Variants in ABI3BP observed in about 807,000 individuals in gnomAD.
ABI3BP encodes target of Nesh-SH3.
A neutral mutation model predicts 268.6 loss-of-function variants in ABI3BP; 216 were observed. That is an observed-to-expected ratio of 0.80 (90% confidence interval 0.72 to 0.90). The LOEUF (loss-of-function observed/expected upper bound fraction) is 0.90, where lower values mean the gene tolerates loss of function less well. Ranked by LOEUF, ABI3BP falls within the 40% of genes least tolerant of loss-of-function variation. The probability of loss-of-function intolerance (pLI) is 0.00; values close to 1 mark genes in which losing one functional copy is unlikely to be tolerated. For synonymous variants in ABI3BP, 730 were observed against 730.0 expected (o/e 1.00, Z 0.00); for missense variants, 2,090 against 2,182.4 (o/e 0.96, Z 0.84).
chr3:100,897,047 A>AAAAT, intron 4 of ABI3BP, among the ~76,000 whole-genome samples: 1 of 150,764 alleles, frequency 6.6e-6, no homozygotes, highest in African/African-American at 2.4e-5. Flanking sequence ...TGGACAAATA[A>AAAAT]AAATAAATAA....
intron 49 of ABI3BP, among the ~76,000 whole-genome samples, chr3:100,809,964 T>C (rs1382099014): frequency 1.3e-5 from 2 of 152,070 alleles, no homozygotes; most frequent in Non-Finnish European, 2.9e-5. Flanking sequence ...AACTACAAGG[T>C]GACTGGCCAG....
At chr3:100,900,892 T>C (rs956267255) in intron 3 of ABI3BP, among the ~76,000 whole-genome samples, 4 of 152,150 alleles carry the variant, frequency 2.6e-5, no homozygotes, top group Admixed American at 2.6e-4. Flanking sequence ...CAAAATAAAA[T>C]GAAGTTATAA....
At chr3:100,804,653 T>G (rs1032706589) in intron 51 of ABI3BP, 139 bp downstream of exon 51, 1 of 752,824 alleles carries the variant, frequency 1.3e-6, no homozygotes. Flanking sequence ...ACTTCTGAAA[T>G]TATCATACCA....
chr3:100,967,380 T>C (rs2081756323), intron 1 of ABI3BP, among the ~76,000 whole-genome samples: 1 of 151,828 alleles, frequency 6.6e-6, no homozygotes. Context: ...GGTGGGCCCC[T>C]GTTATCCCAG....
chr3:100,775,419 T>C, intron 59 of ABI3BP, 84 bp from the exon 60 acceptor site: 3 of 1,517,026 alleles, frequency 2.0e-6, no homozygotes, highest in Non-Finnish European at 2.7e-6. Flanking sequence ...ATAAATGTTT[T>C]TAAGCACTGA....
At chr3:100,823,829 A>T (rs2098299441) in intron 36 of ABI3BP, among the ~76,000 whole-genome samples, 1 of 152,204 alleles carries the variant, frequency 6.6e-6, no homozygotes, top group Non-Finnish European at 1.5e-5. Context: ...CATTTATCTC[A>T]CATATACTTA....
chr3:100,862,846 C>A lies in ABI3BP; in HGVS notation c.1202G>T (p.Gly401Val), dbSNP rs910534929. The change falls in exon 13 of 68, where the codon GGC (glycine) becomes GTC (valine). Residue 401 changes from glycine to valine, a missense_variant. Coordinates refer to ENST00000471714, the MANE Select transcript of ABI3BP (RefSeq NM_001375547.2). Reference protein sequence around the residue: ...KTPFPFEKPRGTLASSEKPWI... With the variant: ...KTPFPFEKPRVTLASSEKPWI... The stretch of plus-strand genomic sequence containing the variant: ...TAAGGTACTCTTATTACCCAATGTG[C>A]CCCTAGGTTTCTCAAAAGGGAAGGG... 2.0e-6 allele frequency: 3 copies of A among 1,534,638 alleles called. No homozygotes were observed. Among genetic ancestry groups the A allele is most frequent in the African/African-American group, 2.7e-5 (2 of 72,954 alleles).
chr3:100,934,101 T>C (rs2064892856), intron 1 of ABI3BP, among the ~76,000 whole-genome samples: 1 of 151,934 alleles, frequency 6.6e-6, no homozygotes, highest in Admixed American at 6.6e-5. Context: ...TCATCTACAT[T>C]AGGTATTTCT....
chr3:100,986,565 C>T (rs1406493596), intron 1 of ABI3BP, among the ~76,000 whole-genome samples: 1 of 152,054 alleles, frequency 6.6e-6, no homozygotes, highest in African/African-American at 2.4e-5. Flanking sequence ...CTCCTGGGCT[C>T]AAGTAATTCT....
chr3:100,926,538 C>A (rs1236624231), intron 1 of ABI3BP, 57 bp from the exon 2 acceptor site: 17 of 1,503,646 alleles, frequency 1.1e-5, no homozygotes, highest in Non-Finnish European at 1.6e-5. Context: ...AGCATCCTAC[C>A]CAACTTCCCA....
chr3:100,892,783 G>C (rs2045370305), intron 4 of ABI3BP, among the ~76,000 whole-genome samples: 1 of 152,198 alleles, frequency 6.6e-6, no homozygotes, highest in South Asian at 2.1e-4. Context: ...TGTGCATAGA[G>C]GGGATTGTTA....
intron 65 of ABI3BP, 39 bp from the exon 66 acceptor site, chr3:100,752,987 T>C (rs777311518): frequency 6.5e-7 from 1 of 1,544,074 alleles, no homozygotes; most frequent in Non-Finnish European, 8.8e-7. Flanking sequence ...TATCTGACTC[T>C]TGGGTCAGAT....
intron 29 of ABI3BP, among the ~76,000 whole-genome samples, chr3:100,833,747 G>A (rs950720894): frequency 2.6e-5 from 4 of 152,138 alleles, no homozygotes; most frequent in Admixed American, 1.3e-4. Context: ...TTAGGAGAGC[G>A]TGCTGGAGCC....
chr3:100,764,487 G>A (rs947444383), intron 63 of ABI3BP, among the ~76,000 whole-genome samples: 2 of 152,166 alleles, frequency 1.3e-5, no homozygotes, highest in African/African-American at 4.8e-5. Flanking sequence ...TGAAATAACT[G>A]TATTCAACAT....
At chr3:100,762,995 A>G (rs1277576172) in intron 63 of ABI3BP, among the ~76,000 whole-genome samples, 1 of 152,230 alleles carries the variant, frequency 6.6e-6, no homozygotes, top group East Asian at 1.9e-4. Flanking sequence ...AATGATTTTG[A>G]TATCCTGATG....
At chr3:100,939,573 A>G (rs1020952990) in intron 1 of ABI3BP, among the ~76,000 whole-genome samples, 3 of 152,016 alleles carry the variant, frequency 2.0e-5, no homozygotes, top group African/African-American at 7.2e-5. Flanking sequence ...TCAAAAGGGG[A>G]GGGAGTGTGC....
chr3:100,792,889 C>T, intron 54 of ABI3BP, 121 bp from the exon 55 acceptor site: 1 of 770,844 alleles, frequency 1.3e-6, no homozygotes, highest in African/African-American at 1.8e-5. Context: ...TTTAGAAATA[C>T]ACTCAGTAAT....
Position 100,750,339 on chromosome 3 carries a change from C to T in ABI3BP, c.*156G>A, listed in dbSNP as rs562974089. ...CTTTGTAAAACCTGATAAATACTCT[C>T]AGCAATCTTTTCTAATAATAAACAT... On this transcript the variant is annotated 3_prime_UTR_variant, in exon 68 of 68. Transcript: ENST00000471714. The T allele has an allele frequency of 1.9e-6, 1 of 535,192 alleles. No homozygotes were observed. Among genetic ancestry groups the T allele is most frequent in the African/African-American group, 2.0e-5 (1 of 51,010 alleles). The allele number at this position is 535,192 out of a possible 1,614,324, so 33.2% of individuals were successfully genotyped here.
At position 100,752,850 on chromosome 3, in the gene ABI3BP, A is replaced by T. The variant is rs778461191; in HGVS notation, c.5059T>A (p.Phe1687Ile). Reference protein sequence around the residue: ...QYVKRTWYKKFVGVQLCNSLR... With the variant: ...QYVKRTWYKKIVGVQLCNSLR... ...GAGTTGCACAGCTGCACTCCTACAAATTTTTTATACCATGTCCTTTTGACA... is the reference window on the plus strand; with the variant it reads ...GAGTTGCACAGCTGCACTCCTACAATTTTTTTATACCATGTCCTTTTGACA... The change falls in exon 66 of 68, where the codon TTT becomes ATT. Residue 1687 changes from phenylalanine to isoleucine, a missense_variant. Physicochemically the swap from Phe to Ile is conservative, Grantham distance 21 (BLOSUM62 0). Coordinates refer to ENST00000471714, the MANE Select transcript of ABI3BP (RefSeq NM_001375547.2). 6.2e-7 allele frequency: 1 copy of T among 1,613,566 alleles called. No homozygotes were observed. Among genetic ancestry groups the T allele is most frequent in the East Asian group, 2.2e-5 (1 of 44,862 alleles).
Sources: gnomAD v4.1 joint callset for allele counts (sites outside exome capture counted in the v4.1 genomes callset) on GRCh38, gnomAD v4.1.1 for gene constraint, MANE v1.5 for transcripts, NCBI Gene and HGNC (gene_info 2026-07-23, HGNC 2026-07-21) for gene names.